Variants in PACRG observed in about 807,000 individuals in gnomAD.
PACRG encodes the protein parkin coregulated, also known as parkin coregulated gene protein.
A neutral mutation model predicts 29.7 loss-of-function variants in PACRG; 29 were observed. The observed-to-expected ratio is 0.98, with a 90% confidence interval of 0.73 to 1.33. The LOEUF (loss-of-function observed/expected upper bound fraction) is 1.33, where lower values mean the gene tolerates loss of function less well. PACRG is among the 40% of genes most tolerant of loss of function. The pLI is 0.00. For missense variants in PACRG, 279 were observed against 316.2 expected (o/e 0.88, Z 0.89); for synonymous variants, 116 against 118.7 (o/e 0.98, Z 0.15).
At chr6:163,102,775 A>G (rs1012451147) in intron 4 of PACRG, among the ~76,000 whole-genome samples, 1 of 152,056 alleles carries the variant, frequency 6.6e-6, no homozygotes, top group Non-Finnish European at 1.5e-5. Flanking sequence ...CACCTGTTGC[A>G]TTTCCCATCA....
At chr6:162,903,963 C>T (rs552772354) in intron 2 of PACRG, among the ~76,000 whole-genome samples, 49 of 152,018 alleles carry the variant, frequency 3.2e-4, no homozygotes, top group Non-Finnish European at 5.9e-5. Context: ...CAGGGGCTGG[C>T]GAGTCTGAAA....
chr6:163,068,018 T>G (rs1811706782), intron 3 of PACRG, among the ~76,000 whole-genome samples: 1 of 152,260 alleles, frequency 6.6e-6, no homozygotes. Context: ...TGACTTCATC[T>G]GAAATTAATT....
chr6:162,918,844 T>C (rs1272540959), intron 2 of PACRG, among the ~76,000 whole-genome samples: 1 of 152,208 alleles, frequency 6.6e-6, no homozygotes, highest in African/African-American at 2.4e-5. Flanking sequence ...TCTTGTATTA[T>C]AAAAGAGTAA....
chr6:163,007,178 A>G (rs898724747), intron 2 of PACRG, among the ~76,000 whole-genome samples: 1 of 152,258 alleles, frequency 6.6e-6, no homozygotes, highest in African/African-American at 2.4e-5. Flanking sequence ...TATATATAGT[A>G]TAAAAACATG....
chr6:163,043,368 C>T (rs1312006258), intron 2 of PACRG, among the ~76,000 whole-genome samples: 1 of 152,084 alleles, frequency 6.6e-6, no homozygotes, highest in Non-Finnish European at 1.5e-5. Flanking sequence ...CCAACCTGGC[C>T]AACATGACAA....
chr6:163,309,029 ATTT>A (rs143771127), intron 4 of PACRG, among the ~76,000 whole-genome samples: 8 of 151,684 alleles, frequency 5.3e-5, no homozygotes, highest in East Asian at 1.9e-4. Context: ...TTCTGTCAGC[ATTT>A]TTTTTTTAAA....
intron 2 of PACRG, among the ~76,000 whole-genome samples, chr6:162,958,699 A>T (rs1800258807): frequency 6.6e-6 from 1 of 151,214 alleles, no homozygotes; most frequent in African/African-American, 2.4e-5. Flanking sequence ...AGATTCAGGT[A>T]TGTGGAGGCA....
intron 4 of PACRG, among the ~76,000 whole-genome samples, chr6:163,124,055 T>C (rs76596564): frequency 2.0e-5 from 3 of 152,362 alleles, no homozygotes; most frequent in African/African-American, 7.2e-5. Flanking sequence ...TTGAGGAACC[T>C]CCATGCTGCT....
Position 163,182,537 on chromosome 6 carries a change from G to A in PACRG, c.613+93129G>A, listed in dbSNP as rs548422936. ...CAGAAAGAGACCCTTGGTGCTTCAT[G>A]TGGTATCTTTCTTTAGTACGGGTCT... On this transcript the variant is annotated intron_variant, in intron 4 of 4. Coordinates refer to ENST00000366888, the MANE Select transcript of PACRG (RefSeq NM_001080379.2). 4.6e-5 allele frequency: 7 copies of A among 152,308 alleles called. No individual in the cohort carries two copies. In the East Asian group the frequency reaches 1.2e-3, roughly 25 times the overall value. 9.4% of individuals were successfully genotyped at this position (152,308 alleles called of 1,614,324 possible). A position where few individuals can be genotyped will look rare whatever the true frequency, so the allele number is the denominator to read the frequency against.
intron 4 of PACRG, among the ~76,000 whole-genome samples, chr6:163,277,496 C>CACAT (rs1784077450): frequency 1.7e-5 from 1 of 58,688 alleles, no homozygotes. Flanking sequence ...TATATATATA[C>CACAT]ACACATACAC....
At chr6:162,839,905 G>T (rs1326123713) in intron 2 of PACRG, among the ~76,000 whole-genome samples, 2 of 139,612 alleles carry the variant, frequency 1.4e-5, no homozygotes, top group Non-Finnish European at 3.1e-5. Context: ...GATAGTTGTA[G>T]ATATGCGGCG....
chr6:162,912,175 G>C (rs1796346330), intron 2 of PACRG, among the ~76,000 whole-genome samples: 1 of 152,322 alleles, frequency 6.6e-6, no homozygotes, highest in African/African-American at 2.4e-5. Context: ...GCTAATGCCT[G>C]CTATAGAGTA....
At chr6:163,082,189 T>G (rs1813147268) in intron 3 of PACRG, among the ~76,000 whole-genome samples, 1 of 152,150 alleles carries the variant, frequency 6.6e-6, no homozygotes, top group Non-Finnish European at 1.5e-5. Context: ...TGAGTATATC[T>G]AACAAAATTT....
intron 2 of PACRG, among the ~76,000 whole-genome samples, chr6:162,861,055 A>G (rs1791816915): frequency 6.6e-6 from 1 of 152,220 alleles, no homozygotes. Flanking sequence ...ACAATGGACA[A>G]GGAGGCAAAC....
Position 162,895,143 on chromosome 6 carries a change from G to A in PACRG, c.291+80862G>A, listed in dbSNP as rs369684416. Among the ~76,000 whole-genome samples, 247 of 149,816 alleles carry A rather than the reference G, an allele frequency of 1.6e-3. 1 individual carries two copies. The Middle Eastern group carries it at 0.024, about 15-fold the overall frequency. ...AATTTAGCCATGTGTGGTGGCATGC[G>A]ACTGTGATCTCAGCTACTCTGGAGG... On this transcript the variant is annotated intron_variant, in intron 2 of 4. Transcript: ENST00000366888.
In PACRG at chr6:163,055,032, G is replaced by A. The variant is rs1451393829; in HGVS notation, c.292-7118G>A. Among the ~76,000 whole-genome samples, 1 of 152,122 alleles carries A rather than the reference G, an allele frequency of 6.6e-6. No homozygotes were observed. The highest frequency in any genetic ancestry group is 6.5e-5 in the Admixed American group (1 of 15,276). ...GAGGAGAACAGAAAGGAGATTCAAG[G>A]ATTAGACACAAAGAAAGTCACTGGT... is the stretch of plus-strand genomic sequence containing the variant. On this transcript the variant is annotated intron_variant, in intron 2 of 4. Transcript: ENST00000366888. The surrounding 1 kb of genome is among the most constrained non-coding windows in gnomAD (Gnocchi z 4.0).
intron 4 of PACRG, among the ~76,000 whole-genome samples, chr6:163,221,801 C>G (rs1045060189): frequency 1.3e-5 from 2 of 152,220 alleles, no homozygotes; most frequent in East Asian, 3.9e-4. Flanking sequence ...ACAGCAAGGC[C>G]TTTGCCTATT....
intron 4 of PACRG, among the ~76,000 whole-genome samples, chr6:163,151,885 C>T (rs778653459): frequency 2.0e-5 from 3 of 152,294 alleles, no homozygotes; most frequent in South Asian, 2.1e-4. Context: ...CACTTCCTAA[C>T]GAATGCTTAG....
intron 2 of PACRG, among the ~76,000 whole-genome samples, chr6:162,960,936 C>T (rs1399629629): frequency 2.3e-5 from 1 of 43,294 alleles, no homozygotes; most frequent in African/African-American, 5.3e-5. Context: ...TAGTTAAGAG[C>T]CAAAGTTAAG....
Sources: allele counts gnomAD v4.1 joint callset (sites outside exome capture counted in the v4.1 genomes callset), GRCh38; gene constraint gnomAD v4.1.1; non-coding constraint Gnocchi (gnomAD v3.1); transcripts MANE v1.5; gene names NCBI Gene and HGNC (gene_info 2026-07-23, HGNC 2026-07-21).